Variants in ARHGEF1 observed in about 807,000 individuals in gnomAD.
The protein encoded by ARHGEF1 is 115 kDa guanine nucleotide exchange factor.
ARHGEF1 carries 40 observed loss-of-function variants against 119.7 expected under a neutral mutation model. That is an observed-to-expected ratio of 0.33 (90% CI 0.26 to 0.44). The LOEUF (loss-of-function observed/expected upper bound fraction) is 0.44, where lower values mean the gene tolerates loss of function less well. Ranked by LOEUF, ARHGEF1 falls within the 20% of genes least tolerant of loss-of-function variation. ARHGEF1 has a pLI of 1.00. For missense variants in ARHGEF1, 976 were observed against 1,268.3 expected (o/e 0.77, Z 3.50); for synonymous variants, 494 against 521.0 (o/e 0.95, Z 0.71).
chr19:41,899,267 G>A (rs782434723), intron 14 of ARHGEF1, among the ~76,000 whole-genome samples: 2 of 152,148 alleles, frequency 1.3e-5, no homozygotes, highest in Non-Finnish European at 2.9e-5. Flanking sequence ...GGGATTACAA[G>A]TGTGAGCCAC....
At position 41,905,813 on chromosome 19, in the gene ARHGEF1, C is replaced by T. The variant is rs782814578; in HGVS notation, c.2390C>T (p.Thr797Met). 3.4e-5 allele frequency: 55 copies of T among 1,614,052 alleles called. No individual in the cohort carries two copies. The highest frequency in any genetic ancestry group is 2.2e-4 in the East Asian group (10 of 44,892). ...SSENGNGGRE[T>M]SPADARTERI... is the part of the protein sequence containing the mutation. ...GAGAACGGCAATGGTGGCCGAGAGA[C>T]GTCTCCAGCTGATGGTGAGACCAGA... Residue 797 changes from threonine (T) to methionine (M), a missense_variant, in exon 25 of 29, where the codon ACG becomes ATG. Thr to Met is a moderately conservative substitution (Grantham distance 81, BLOSUM62 -1). Around this residue, in one of 3 missense-constraint regions of ARHGEF1, gnomAD observed 171 missense variants for 180.6 expected, o/e 0.95. Transcript: ENST00000354532. The surrounding 1 kb of genome is among the most constrained non-coding windows in gnomAD (Gnocchi z 6.4).
chr19:41,918,934 A>C (rs932270158), upstream of ARHGEF1, among the ~76,000 whole-genome samples: 1 of 148,520 alleles, frequency 6.7e-6, no homozygotes, highest in Non-Finnish European at 1.5e-5. Context: ...TGCACACCAC[A>C]TACACTACTC....
In ARHGEF1 at chr19:41,914,585, CCCT is replaced by C. The variant is rs2074777561; in HGVS notation, c.1865+7783_1865+7785del. ...ACCATCTCTGTCTCCGTCTCTCCCT[CCCT>C]TTCCACCATCTCTGTCTCTCCCTCC... On this transcript the variant is annotated intron_variant, in intron 18 of 20. Transcript: ENST00000599589. Among the ~76,000 whole-genome samples the C allele has an allele frequency of 1.2e-4, 12 of 99,934 alleles. 1 individual carries two copies. The highest frequency in any genetic ancestry group is 1.2e-4 in the Non-Finnish European group (6 of 48,314). The allele number at this position is 99,934 out of a possible 152,430, so 65.6% of individuals were successfully genotyped here. A position where few individuals can be genotyped will look rare whatever the true frequency, so the allele number is the denominator to read the frequency against.
Position 41,907,359 on chromosome 19 carries a change from G to A in ARHGEF1, c.*272G>A, listed in dbSNP as rs539213583. On this transcript the variant is annotated 3_prime_UTR_variant, in exon 29 of 29. Transcript: ENST00000354532. ...CGGGCCATCTCAGTATTGCCTGTGG[G>A]GGCCACCCCTCCACCCCCACCCCCA... 4.2e-5 allele frequency: 65 copies of A among 1,534,896 alleles called. No homozygotes were observed. The highest frequency in any genetic ancestry group is 5.4e-5 in the Non-Finnish European group (62 of 1,146,526).
intron 12 of ARHGEF1, among the ~76,000 whole-genome samples, chr19:41,896,041 G>A (rs1256446182): frequency 6.6e-6 from 1 of 152,216 alleles, no homozygotes; most frequent in Non-Finnish European, 1.5e-5. Context: ...ATGAATGGAC[G>A]TGGAGGCAGC....
chr19:41,909,934 C>T, downstream of ARHGEF1: 1 of 1,613,908 alleles, frequency 6.2e-7, no homozygotes, highest in Admixed American at 1.7e-5. This position sits in a 1 kb window ranked among gnomAD's most constrained non-coding sequence, Gnocchi z 5.2. Context: ...GCCGGGCCAC[C>T]TCATCGGGGT....
At chr19:41,909,400 T>C (rs1471490452), downstream of ARHGEF1, 4 of 1,237,344 alleles carry the variant, frequency 3.2e-6, no homozygotes, top group Non-Finnish European at 4.0e-6. This position sits in a 1 kb window ranked among gnomAD's most constrained non-coding sequence, Gnocchi z 5.2. Context: ...AAGCACGACT[T>C]TGCTGAAGTT....
chr19:41,892,616 T>C lies in ARHGEF1; in HGVS notation c.381T>C (p.Ala127=). The change falls in exon 7 of 29, where the codon GCT becomes GCC. Residue 127 remains alanine (A), a synonymous_variant. Transcript: ENST00000354532. The surrounding 1 kb of genome is among the most constrained non-coding windows in gnomAD (Gnocchi z 6.3). ...GTGTCCCTGCAGACCGCACTAGGGC[T>C]GACCTCATCTCCGAGGATGTCCAGC... ...NVAFELDRTR[A]DLISEDVQRR... The C allele has an allele frequency of 6.2e-7, 1 of 1,605,656 alleles. No homozygotes were observed. The highest frequency in any genetic ancestry group is 1.1e-5 in the South Asian group (1 of 89,708).
chr19:41,894,107 AGG>A, intron 8 of ARHGEF1, 98 bp from the exon 9 acceptor site: 1 of 783,068 alleles, frequency 1.3e-6, no homozygotes, highest in African/African-American at 2.0e-5. Flanking sequence ...CTCTGCCTCT[AGG>A]GGGAGAGAGA....
At chr19:41,922,190 G>GC (rs1353671228), upstream of ARHGEF1, among the ~76,000 whole-genome samples, 1 of 152,118 alleles carries the variant, frequency 6.6e-6, no homozygotes, top group Non-Finnish European at 1.5e-5. Context: ...ACCACCAAGG[G>GC]CCAGGGCTCA....
At chr19:41,891,585 A>T (rs2074377599) in intron 4 of ARHGEF1, among the ~76,000 whole-genome samples, 1 of 152,158 alleles carries the variant, frequency 6.6e-6, no homozygotes, top group African/African-American at 2.4e-5. Context: ...TGCCTAGCCT[A>T]GTTGTGCGAC....
upstream of ARHGEF1, among the ~76,000 whole-genome samples, chr19:41,919,526 C>CACAA (rs1340903039): frequency 2.0e-5 from 3 of 151,926 alleles, no homozygotes; most frequent in African/African-American, 7.3e-5. Context: ...CACACACACA[C>CACAA]ACACACACAC....
In ARHGEF1 at chr19:41,905,335, C is replaced by A; in HGVS notation, c.2336+74C>A. 1.5e-6 allele frequency: 2 copies of A among 1,324,678 alleles called. No homozygotes were observed. Among genetic ancestry groups the A allele is most frequent in the Non-Finnish European group, 2.1e-6 (2 of 951,000 alleles). 82.1% of individuals were successfully genotyped at this position (1,324,678 alleles called of 1,614,324 possible). ...AGGCGGGGCAGGCTTCCCTCCACAA[C>A]TCCAGAACCGTCTCTGTGTGAGCAT... On this transcript the variant is annotated intron_variant, in intron 24 of 28. Coordinates refer to ENST00000354532, the MANE Select transcript of ARHGEF1 (RefSeq NM_004706.4). The surrounding 1 kb of genome is among the most constrained non-coding windows in gnomAD (Gnocchi z 6.4).
Position 41,892,505 on chromosome 19 carries a change from G to T in ARHGEF1, c.368-98G>T. 6.3e-7 allele frequency: 1 copy of T among 1,579,256 alleles called. No individual in the cohort carries two copies. The highest frequency in any genetic ancestry group is 8.6e-7 in the Non-Finnish European group (1 of 1,157,610). On this transcript the variant is annotated intron_variant, in intron 6 of 28. Transcript: ENST00000354532. The surrounding 1 kb of genome is among the most constrained non-coding windows in gnomAD (Gnocchi z 6.3). ...ATTCATTCATTCCTTCTTGGCAGCG[G>T]CCTCAGGACGTGTGGCTGTTGGAGT...
rs1320545294 is a variant in ARHGEF1, at chr19:41,906,053, G to A, written c.2491+28G>A. ...AGCCCAGCTCTGCCCCTCCAGGGTG[G>A]CCACCAGCCCAAACAGTGCCTCTGT... On this transcript the variant is annotated intron_variant, in intron 26 of 28. Transcript: ENST00000354532. This position sits in a 1 kb window ranked among gnomAD's most constrained non-coding sequence, Gnocchi z 4.5. The A allele has an allele frequency of 1.2e-6, 2 of 1,603,198 alleles. No individual in the cohort carries two copies. The highest frequency in any genetic ancestry group is 2.2e-5 in the South Asian group (2 of 90,896).
intron 12 of ARHGEF1, among the ~76,000 whole-genome samples, chr19:41,895,890 C>T (rs1320958886): frequency 3.3e-5 from 5 of 152,202 alleles, no homozygotes; most frequent in African/African-American, 1.2e-4. Context: ...TGGCCTCAGG[C>T]CCTTGGATCT....
Position 41,906,697 on chromosome 19 carries a change from CA to C in ARHGEF1, c.2656-5del, listed in dbSNP as rs1555850309. ...CCCCCCTCATCCATGACCCCCACCCCACCAGGAGTTGGAGGAGGAATTTTGC... is the reference window on the plus strand; with the variant it reads ...CCCCCCTCATCCATGACCCCCACCCCCCAGGAGTTGGAGGAGGAATTTTGC... On this transcript the variant is annotated splice_region_variant and splice_polypyrimidine_tract_variant and intron_variant, in intron 27 of 28. Transcript: ENST00000354532. This position sits in a 1 kb window ranked among gnomAD's most constrained non-coding sequence, Gnocchi z 4.5. The C allele has an allele frequency of 1.9e-6, 3 of 1,607,514 alleles. No individual in the cohort carries two copies. In the South Asian group the frequency reaches 3.3e-5, roughly 18 times the overall value.
rs1731945677 is a variant in ARHGEF1 at position 41,905,488 on chromosome 19, T to G, written c.2336+227T>G. The G allele has an allele frequency of 1.6e-6, 1 of 612,472 alleles. No individual in the cohort carries two copies. The highest frequency in any genetic ancestry group is 2.9e-5 in the Admixed American group (1 of 34,100). 37.9% of individuals were successfully genotyped at this position (612,472 alleles called of 1,614,324 possible). On this transcript the variant is annotated intron_variant, in intron 24 of 28. Coordinates refer to ENST00000354532, the MANE Select transcript of ARHGEF1 (RefSeq NM_004706.4). The surrounding 1 kb of genome is among the most constrained non-coding windows in gnomAD (Gnocchi z 6.4). Reference sequence around the variant, plus strand: ...CATGTGTGTGCGTGTATGGTGTGTGTGTATGCATATGTGTGCATGCGTGTG... The same window carrying G: ...CATGTGTGTGCGTGTATGGTGTGTGGGTATGCATATGTGTGCATGCGTGTG...
chr19:41,903,606 G>T lies in ARHGEF1; in HGVS notation c.1840-101G>T. The T allele has an allele frequency of 7.6e-7, 1 of 1,312,806 alleles. No individual in the cohort carries two copies. The highest frequency in any genetic ancestry group is 1.3e-5 in the South Asian group (1 of 79,598). 81.3% of individuals were successfully genotyped at this position (1,312,806 alleles called of 1,614,324 possible). A position where few individuals can be genotyped will look rare whatever the true frequency, so the allele number is the denominator to read the frequency against. On this transcript the variant is annotated intron_variant, in intron 19 of 28. Coordinates refer to ENST00000354532, the MANE Select transcript of ARHGEF1 (RefSeq NM_004706.4). The surrounding 1 kb of genome is among the most constrained non-coding windows in gnomAD (Gnocchi z 4.2). The stretch of plus-strand genomic sequence containing the variant: ...GTCAGGCCCAACCCTCAGCTTGCCC[G>T]CATCAGAAGTTGGTCTTGGCTCTCA...
Sources: gnomAD v4.1 joint callset for allele counts (sites outside exome capture counted in the v4.1 genomes callset) on GRCh38, gnomAD v4.1.1 for gene constraint, gnomAD v4.1.1 regional missense constraint, Gnocchi (gnomAD v3.1) non-coding constraint, MANE v1.5 for transcripts, NCBI Gene and HGNC (gene_info 2026-07-23, HGNC 2026-07-21) for gene names.